Variants in GPR155 observed in about 807,000 individuals in gnomAD.
The protein encoded by GPR155 is lysosomal cholesterol signaling protein.
A neutral mutation model predicts 93.1 loss-of-function variants in GPR155; 65 were observed. The ratio of observed to expected loss-of-function variants is 0.70; its 90% CI spans 0.57 to 0.86. The LOEUF is 0.86. Ranked by LOEUF, GPR155 falls within the 40% of genes least tolerant of loss-of-function variation. The pLI, the probability that GPR155 is intolerant of heterozygous loss-of-function variation, is 0.00. For synonymous variants in GPR155, 319 were observed against 360.1 expected, an observed-to-expected ratio of 0.89 and a Z score of 1.29; for missense variants, 838 against 1,034.8, an observed-to-expected ratio of 0.81 and a Z score of 2.61.
Position 174,453,814 on chromosome 2 carries a change from C to T in GPR155, c.1799G>A (p.Gly600Asp), listed in dbSNP as rs1334422939. ...TSCCSCSMGN[G>D]ELHCPSIEPI... ...CTCTATTGATGGGCAGTGTAATTCA[C>T]CATTTCCCATGGAGCAGGAGCAGCA... The change falls in exon 11 of 16, where the codon GGT becomes GAT. Residue 600 changes from glycine (G) to aspartate (D), a missense_variant. By Grantham distance (94) the Gly-to-Asp change is moderately conservative. Coordinates refer to ENST00000392552, the MANE Select transcript of GPR155 (RefSeq NM_152529.7). 1.2e-6 allele frequency: 2 copies of T among 1,613,240 alleles called. No individual in the cohort carries two copies. The highest frequency in any genetic ancestry group is 2.2e-5 in the East Asian group (1 of 44,860).
chr2:174,464,730 C>A (rs1687792195), intron 7 of GPR155, among the ~76,000 whole-genome samples: 1 of 151,902 alleles, frequency 6.6e-6, no homozygotes, highest in Non-Finnish European at 1.5e-5. Context: ...AATATAAAGT[C>A]TTTAGGCTCT....
chr2:174,472,360 C>G (rs770648043), intron 3 of GPR155, among the ~76,000 whole-genome samples: 15 of 152,150 alleles, frequency 9.9e-5, no homozygotes, highest in Admixed American at 4.6e-4. Flanking sequence ...GAGCCAAGAT[C>G]GCATGACTGC....
intron 2 of GPR155, among the ~76,000 whole-genome samples, chr2:174,478,899 G>A (rs1425319683): frequency 6.6e-6 from 1 of 151,770 alleles, no homozygotes; most frequent in African/African-American, 2.4e-5. Context: ...CACAGCAGCA[G>A]TAATAAGTTA....
At chr2:174,439,668 T>G (rs1686895239) in intron 15 of GPR155, among the ~76,000 whole-genome samples, 1 of 152,228 alleles carries the variant, frequency 6.6e-6, no homozygotes, top group Non-Finnish European at 1.5e-5. Context: ...TATATGGCAA[T>G]CAGAAGTTAT....
intron 10 of GPR155, among the ~76,000 whole-genome samples, chr2:174,459,454 T>C (rs747279444): frequency 2.0e-4 from 30 of 152,226 alleles, no homozygotes; most frequent in Non-Finnish European, 2.5e-4. Flanking sequence ...ATGATTCAAA[T>C]TCTTCATTTG....
In GPR155 at chr2:174,440,601, C is replaced by G. The variant is rs142596153; in HGVS notation, c.2175-566G>C. Among the ~76,000 whole-genome samples, 439 of 152,210 alleles carry G rather than the reference C, an allele frequency of 2.9e-3. 2 individuals are homozygous for G. Among genetic ancestry groups the G allele is most frequent in the African/African-American group, 9.7e-3 (405 of 41,540 alleles). ...CTTCTTTCATGAAATGATTATGAAC[C>G]TAGCAACTACATCTTGATGATAATG... On this transcript the variant is annotated intron_variant, in intron 14 of 15. Transcript: ENST00000392552.
chr2:174,475,007 GTTTC>G, intron 2 of GPR155, among the ~76,000 whole-genome samples: 1 of 152,120 alleles, frequency 6.6e-6, no homozygotes, highest in Middle Eastern at 3.4e-3. Flanking sequence ...AAAAGATTAG[GTTTC>G]TCGGCCGGGC....
intron 13 of GPR155, among the ~76,000 whole-genome samples, chr2:174,443,777 A>C (rs552718782): frequency 2.3e-4 from 35 of 152,336 alleles, no homozygotes; most frequent in Non-Finnish European, 4.6e-4. Flanking sequence ...TTTGCACATA[A>C]AAAATATTTT....
At position 174,434,951 on chromosome 2, in the gene GPR155, A is replaced by G. The variant is rs905617899; in HGVS notation, c.*1165T>C. On this transcript the variant is annotated 3_prime_UTR_variant, in exon 16 of 16. Transcript: ENST00000392552. The stretch of plus-strand genomic sequence containing the variant: ...GCCCTCTAGTTTTTAAATGAGTACT[A>G]TTTGTCAAGGAAATGGAAAAAAGAA... The G allele has an allele frequency of 6.6e-6, 1 of 151,998 alleles. No individual in the cohort carries two copies. Among genetic ancestry groups the G allele is most frequent in the African/African-American group, 2.4e-5 (1 of 41,392 alleles). The allele number at this position is 151,998 out of a possible 1,614,324, so 9.4% of individuals were successfully genotyped here.
Position 174,461,589 on chromosome 2 carries a change from C to T in GPR155, c.1468G>A (p.Gly490Arg). 7 of 1,603,968 alleles carry T rather than the reference C, an allele frequency of 4.4e-6. No homozygotes were observed. The highest frequency in any genetic ancestry group is 6.0e-6 in the Non-Finnish European group (7 of 1,170,924). The change falls in exon 8 of 16, where the codon GGA (glycine) becomes AGA (arginine). Residue 490 changes from glycine to arginine, a missense_variant and splice_region_variant. By Grantham distance (125) the Gly-to-Arg change is moderately radical. Coordinates refer to ENST00000392552, the MANE Select transcript of GPR155 (RefSeq NM_152529.7). The part of the protein sequence containing the change: ...PVGIIIISGW[G>R]IPALLVGVLL... ...GCAAACAGAGAACTACCAACTTACC[C>T]CCAGCCAGATATTATGATTATTCCA...
intron 11 of GPR155, among the ~76,000 whole-genome samples, chr2:174,447,474 AT>A (rs944807956): frequency 1.4e-5 from 2 of 146,176 alleles, no homozygotes; most frequent in Admixed American, 6.9e-5. Flanking sequence ...ATATTATGTT[AT>A]AAATGTATAT....
chr2:174,463,685 C>G (rs1381555430), intron 7 of GPR155, among the ~76,000 whole-genome samples: 1 of 152,208 alleles, frequency 6.6e-6, no homozygotes. Flanking sequence ...TTTTATGTTT[C>G]AAGCTATGAT....
Position 174,446,680 on chromosome 2 carries a change from T to C in GPR155, c.1944A>G (p.Leu648=), listed in dbSNP as rs1307597870. ...GGGTCAGTTGCTGGTCTCCACTCTG[T>C]AGATACTGTTCTTCTTCCTGGGCTA... ...CILAQEEEQY[L]QSGDQQLTRH... Residue 648 remains leucine (L), a synonymous_variant, in exon 12 of 16, where the codon CTA becomes CTG. Coordinates refer to ENST00000392552, the MANE Select transcript of GPR155 (RefSeq NM_152529.7). 6.2e-7 allele frequency: 1 copy of C among 1,613,722 alleles called. No individual in the cohort carries two copies. Among genetic ancestry groups the C allele is most frequent in the Admixed American group, 1.7e-5 (1 of 60,002 alleles).
At chr2:174,455,503 A>T (rs1478774221) in intron 10 of GPR155, among the ~76,000 whole-genome samples, 1 of 152,206 alleles carries the variant, frequency 6.6e-6, no homozygotes, top group African/African-American at 2.4e-5. Context: ...TCCGTGAGGA[A>T]GGTTAATTTG....
rs1474451045 is a variant in GPR155 at position 174,457,311 on chromosome 2, C to T, written c.1771+2567G>A. Reference sequence around the variant, plus strand: ...TGAGAGACAGAGAAAGACTTTGTTTCAAAAGAAGAGAAGAGAAAGACTTTG... The same window carrying T: ...TGAGAGACAGAGAAAGACTTTGTTTTAAAAGAAGAGAAGAGAAAGACTTTG... On this transcript the variant is annotated intron_variant, in intron 10 of 15. Transcript: ENST00000392552. 2.0e-5 allele frequency among the ~76,000 whole-genome samples: 3 copies of T among 151,912 alleles called. No homozygotes were observed. In the East Asian group the frequency reaches 5.8e-4, roughly 29 times the overall value.
In GPR155 at chr2:174,448,375, A is replaced by C. The variant is rs115572011; in HGVS notation, c.1877-1628T>G. On this transcript the variant is annotated intron_variant, in intron 11 of 15. Coordinates refer to ENST00000392552, the MANE Select transcript of GPR155 (RefSeq NM_152529.7). The stretch of plus-strand genomic sequence containing the variant: ...GGGCAACAGAGCAAGACTGTGTCTC[A>C]AAAAAAAGTAATGCCTCAAACTATA... 8.2e-3 allele frequency among the ~76,000 whole-genome samples: 1,245 copies of C among 152,066 alleles called. 7 individuals carry two copies. Among genetic ancestry groups the C allele is most frequent in the Admixed American group, 0.013 (193 of 15,272 alleles).
chr2:174,483,165 T>A (rs987573765), intron 1 of GPR155: 2 of 152,116 alleles, frequency 1.3e-5, no homozygotes, highest in Middle Eastern at 3.4e-3. Context: ...GTACCTGGCA[T>A]ACACGAGACA....
intron 9 of GPR155, among the ~76,000 whole-genome samples, chr2:174,460,883 C>A (rs554456481): frequency 1.3e-5 from 2 of 151,946 alleles, no homozygotes; most frequent in Non-Finnish European, 2.9e-5. Flanking sequence ...ACAATAAAAT[C>A]CAAAATTGCA....
intron 10 of GPR155, among the ~76,000 whole-genome samples, chr2:174,455,281 G>A (rs980647870): frequency 7.2e-5 from 11 of 152,200 alleles, no homozygotes; most frequent in African/African-American, 1.4e-4. Context: ...CTGAAGAGAA[G>A]TGATAACATG....
Sources: gnomAD v4.1 joint callset for allele counts (sites outside exome capture counted in the v4.1 genomes callset) on GRCh38, gnomAD v4.1.1 for gene constraint, MANE v1.5 for transcripts, NCBI Gene and HGNC (gene_info 2026-07-23, HGNC 2026-07-21) for gene names.